The following INVS variants were observed in gnomAD, a reference collection of about 807,000 sequenced individuals.
INVS encodes inversin.
Under a neutral mutation model 108.8 loss-of-function variants are expected in INVS, and 86 were observed. The observed-to-expected ratio is 0.79, with a 90% CI of 0.66 to 0.95. INVS has a LOEUF of 0.95. INVS is among the 40% of genes least tolerant of loss of function. INVS has a pLI of 0.00. For missense variants in INVS, 1,169 were observed against 1,297.4 expected (o/e 0.90, Z 1.52); for synonymous variants, 455 against 473.5 (o/e 0.96, Z 0.51).
intron 3 of INVS, among the ~76,000 whole-genome samples, chr9:100,182,115 C>G (rs1416812815): frequency 2.0e-5 from 3 of 152,094 alleles, no homozygotes; most frequent in Non-Finnish European, 4.4e-5. Flanking sequence ...AAAATTAACT[C>G]AAGATGGATT....
intron 3 of INVS, among the ~76,000 whole-genome samples, chr9:100,218,612 T>C (rs1831057725): frequency 6.6e-6 from 1 of 152,220 alleles, no homozygotes; most frequent in Admixed American, 6.5e-5. Flanking sequence ...AGCAGTCCTG[T>C]AGAATATGAT....
chr9:100,168,667 A>G (rs914478887), intron 3 of INVS, among the ~76,000 whole-genome samples: 1 of 152,164 alleles, frequency 6.6e-6, no homozygotes, highest in Non-Finnish European at 1.5e-5. Context: ...TATCGGCCTT[A>G]TTCATGGTGA....
At chr9:100,253,850 A>G (rs1484801893) in intron 10 of INVS, among the ~76,000 whole-genome samples, 1 of 152,090 alleles carries the variant, frequency 6.6e-6, no homozygotes, top group Non-Finnish European at 1.5e-5. Flanking sequence ...AGTCTTTGCT[A>G]TTGTGAATAG....
chr9:100,183,909 A>G (rs780273868), intron 3 of INVS, among the ~76,000 whole-genome samples: 22 of 151,904 alleles, frequency 1.4e-4, no homozygotes, highest in Non-Finnish European at 2.9e-4. Context: ...CAAAAATTAT[A>G]AAACTATTAT....
intron 3 of INVS, among the ~76,000 whole-genome samples, chr9:100,160,046 G>A (rs1829118704): frequency 6.6e-6 from 1 of 152,156 alleles, no homozygotes; most frequent in Non-Finnish European, 1.5e-5. Flanking sequence ...GAACAGAGCA[G>A]CATCAGGCTT....
At chr9:100,221,520 T>C (rs1007458010) in intron 3 of INVS, among the ~76,000 whole-genome samples, 2 of 152,160 alleles carry the variant, frequency 1.3e-5, no homozygotes, top group African/African-American at 4.8e-5. Flanking sequence ...GTAAATTATA[T>C]TGTTTCTAGT....
At chr9:100,201,883 C>A (rs1013255710) in intron 3 of INVS, among the ~76,000 whole-genome samples, 1 of 152,180 alleles carries the variant, frequency 6.6e-6, no homozygotes, top group African/African-American at 2.4e-5. Context: ...AAGGGCCTTA[C>A]ACCCAAGATA....
chr9:100,125,975 C>T (rs542841321), intron 2 of INVS, among the ~76,000 whole-genome samples: 41 of 152,252 alleles, frequency 2.7e-4, no homozygotes, highest in Non-Finnish European at 4.7e-4. Context: ...CGTGAGCCAC[C>T]GCACCCAGCC....
chr9:100,246,498 C>A (rs1050728431), intron 7 of INVS, 118 bp from the exon 8 acceptor site: 2 of 708,708 alleles, frequency 2.8e-6, no homozygotes, highest in Non-Finnish European at 4.8e-6. Flanking sequence ...TAATTTGATT[C>A]AAAAGCAAGG....
intron 8 of INVS, among the ~76,000 whole-genome samples, chr9:100,247,966 G>A (rs868303080): frequency 2.0e-4 from 30 of 151,926 alleles, no homozygotes; most frequent in African/African-American, 7.3e-4. Context: ...ACGCCACCAC[G>A]CCCAGCTAAT....
At chr9:100,155,109 G>C (rs1483984874) in intron 3 of INVS, among the ~76,000 whole-genome samples, 3 of 151,702 alleles carry the variant, frequency 2.0e-5, no homozygotes, top group African/African-American at 7.3e-5. Context: ...TACTCGGGAG[G>C]CTGAGGCACA....
intron 3 of INVS, among the ~76,000 whole-genome samples, chr9:100,167,826 A>G (rs1339622445): frequency 6.6e-6 from 1 of 152,200 alleles, no homozygotes; most frequent in East Asian, 1.9e-4. Flanking sequence ...TAATTCTCCC[A>G]GGTGATCCAC....
chr9:100,197,528 T>C (rs1264335330), intron 3 of INVS, among the ~76,000 whole-genome samples: 2 of 152,172 alleles, frequency 1.3e-5, no homozygotes, highest in African/African-American at 4.8e-5. Flanking sequence ...CCTCCCAGCA[T>C]ATGGATGAAT....
intron 3 of INVS, among the ~76,000 whole-genome samples, chr9:100,143,933 G>C (rs969081938): frequency 2.0e-5 from 3 of 152,136 alleles, no homozygotes; most frequent in African/African-American, 7.2e-5. Flanking sequence ...GGGGGCTTCC[G>C]AGGCGATCGG....
At chr9:100,117,675 C>G (rs1343189501) in intron 2 of INVS, 1 of 591,180 alleles carries the variant, frequency 1.7e-6, no homozygotes, top group Non-Finnish European at 3.0e-6. Context: ...GGAGAAGAAG[C>G]AGTTATAGGT....
chr9:100,116,098 CT>C (rs1827514150), intron 2 of INVS, among the ~76,000 whole-genome samples: 1 of 111,310 alleles, frequency 9.0e-6, no homozygotes, highest in South Asian at 3.4e-4. Flanking sequence ...TCTTTTCTTT[CT>C]TTTTTTTCTT....
chr9:100,189,258 A>G (rs1830150567), intron 3 of INVS, among the ~76,000 whole-genome samples: 1 of 149,874 alleles, frequency 6.7e-6, no homozygotes. Flanking sequence ...GATCTTTGTT[A>G]TTTCTTTTCT....
chr9:100,200,338 T>TTTGC (rs1365887200), intron 3 of INVS, among the ~76,000 whole-genome samples: 29 of 152,334 alleles, frequency 1.9e-4, no homozygotes, highest in African/African-American at 6.5e-4. Context: ...TTTCTGTTTG[T>TTTGC]TTGCATATGG....
chr9:100,252,732 A>G (rs1210935419), intron 9 of INVS, among the ~76,000 whole-genome samples, 175 bp from the exon 10 acceptor site: 1 of 152,232 alleles, frequency 6.6e-6, no homozygotes. Context: ...TCTGATGTAG[A>G]CAACGTATGT....
Sources: gnomAD v4.1 joint callset for allele counts (sites outside exome capture counted in the v4.1 genomes callset) on GRCh38, gnomAD v4.1.1 for gene constraint, MANE v1.5 for transcripts, NCBI Gene and HGNC (gene_info 2026-07-23, HGNC 2026-07-21) for gene names.